LRRC4C: variants seen among roughly 807,000 people sequenced by gnomAD.
The protein encoded by LRRC4C is leucine-rich repeat-containing protein 4C.
A neutral mutation model predicts 33.6 loss-of-function variants in LRRC4C; 5 were observed. The observed-to-expected ratio is 0.15, with a 90% confidence interval of 0.08 to 0.31. LRRC4C has a LOEUF of 0.31. LRRC4C is among the 10% of genes least tolerant of loss of function. LRRC4C has a pLI of 1.00. For synonymous variants in LRRC4C, 329 were observed against 302.0 expected, an observed-to-expected ratio of 1.09 and a Z score of -0.93; for missense variants, 560 against 796.7, an observed-to-expected ratio of 0.70 and a Z score of 3.58.
At chr11:41,425,847 C>T (rs1955019730) in intron 1 of LRRC4C, among the ~76,000 whole-genome samples, 1 of 152,054 alleles carries the variant, frequency 6.6e-6, no homozygotes, top group South Asian at 2.1e-4. Context: ...TTTCAAGCAG[C>T]TGTTTCCATG....
intron 1 of LRRC4C, among the ~76,000 whole-genome samples, chr11:40,965,057 G>A (rs1175992352): frequency 2.0e-5 from 3 of 151,948 alleles, no homozygotes; most frequent in African/African-American, 7.2e-5. Context: ...TTTAATGATT[G>A]CCATTCTAAC....
chr11:40,428,444 A>C (rs1950796630), intron 3 of LRRC4C, among the ~76,000 whole-genome samples: 1 of 152,228 alleles, frequency 6.6e-6, no homozygotes, highest in South Asian at 2.1e-4. Flanking sequence ...TATCTCTGAC[A>C]TAATATTATT....
intron 1 of LRRC4C, among the ~76,000 whole-genome samples, chr11:41,276,609 C>A (rs1949493528): frequency 6.6e-6 from 1 of 152,088 alleles, no homozygotes; most frequent in Non-Finnish European, 1.5e-5. Flanking sequence ...AAATAACACC[C>A]CTTTCTTCCA....
intron 1 of LRRC4C, among the ~76,000 whole-genome samples, chr11:41,388,165 A>G (rs967349203): frequency 1.3e-4 from 20 of 151,860 alleles, no homozygotes; most frequent in African/African-American, 4.1e-4. Flanking sequence ...CATTCAGCAA[A>G]TATTTGTTAA....
At chr11:40,888,966 A>C (rs1405500599) in intron 2 of LRRC4C, among the ~76,000 whole-genome samples, 2 of 152,012 alleles carry the variant, frequency 1.3e-5, no homozygotes, top group Admixed American at 6.6e-5. Context: ...ATTATTAATA[A>C]AACTACCAAA....
intron 1 of LRRC4C, among the ~76,000 whole-genome samples, chr11:41,114,357 C>A (rs1311360770): frequency 1.3e-5 from 2 of 151,962 alleles, no homozygotes; most frequent in Admixed American, 6.6e-5. Context: ...GGAAAGAGAA[C>A]AAAACCTTCC....
At chr11:40,522,218 C>T (rs879798294) in intron 3 of LRRC4C, among the ~76,000 whole-genome samples, 2 of 152,154 alleles carry the variant, frequency 1.3e-5, no homozygotes, top group African/African-American at 2.4e-5. Context: ...TTAGTAGAGA[C>T]GAGGTCTTGC....
At chr11:41,411,109 G>A (rs1241876856) in intron 1 of LRRC4C, among the ~76,000 whole-genome samples, 1 of 136,584 alleles carries the variant, frequency 7.3e-6, no homozygotes, top group Non-Finnish European at 1.5e-5. Context: ...TTATGCACTT[G>A]CTTTTAGATG....
intron 3 of LRRC4C, among the ~76,000 whole-genome samples, chr11:40,348,544 C>T (rs1308931792): frequency 1.3e-5 from 2 of 152,084 alleles, no homozygotes; most frequent in Non-Finnish European, 2.9e-5. Context: ...GTCACTCTTG[C>T]TCTTTATGGA....
intron 1 of LRRC4C, among the ~76,000 whole-genome samples, chr11:41,051,785 G>T (rs1858246993): frequency 6.6e-6 from 1 of 151,868 alleles, no homozygotes; most frequent in African/African-American, 2.4e-5. Flanking sequence ...TAAATCACTG[G>T]CTTCACCACC....
chr11:40,125,561 T>C (rs1856160770), intron 6 of LRRC4C, among the ~76,000 whole-genome samples: 1 of 152,084 alleles, frequency 6.6e-6, no homozygotes, highest in African/African-American at 2.4e-5. Flanking sequence ...TCTCTCTCTC[T>C]CTCTCTCCTT....
intron 3 of LRRC4C, among the ~76,000 whole-genome samples, chr11:40,494,238 G>A (rs755182613): frequency 2.0e-4 from 30 of 151,992 alleles, no homozygotes; most frequent in Non-Finnish European, 2.6e-4. Context: ...GGGATTGAGC[G>A]TGCCGTCTGT....
intron 1 of LRRC4C, among the ~76,000 whole-genome samples, chr11:41,238,372 A>C (rs1948111239): frequency 6.6e-6 from 1 of 152,166 alleles, no homozygotes; most frequent in African/African-American, 2.4e-5. Context: ...TATATTTAAT[A>C]ATAATTAAAA....
intron 4 of LRRC4C, among the ~76,000 whole-genome samples, chr11:40,278,247 G>GAAGAAA (rs1464840785): frequency 6.6e-6 from 1 of 152,112 alleles, no homozygotes; most frequent in Non-Finnish European, 1.5e-5. Context: ...TGCCTATGAA[G>GAAGAAA]AAGAAAAAGA....
intron 2 of LRRC4C, among the ~76,000 whole-genome samples, chr11:40,923,185 C>A (rs1382169827): frequency 6.6e-6 from 1 of 152,124 alleles, no homozygotes; most frequent in Non-Finnish European, 1.5e-5. Flanking sequence ...TTTACTTAAA[C>A]AAAAGGTCAT....
At chr11:40,382,586 A>G (rs1948926516) in intron 3 of LRRC4C, among the ~76,000 whole-genome samples, 1 of 151,796 alleles carries the variant, frequency 6.6e-6, no homozygotes, top group South Asian at 2.1e-4. Flanking sequence ...AGCAAATTTT[A>G]AAGTACGCAA....
intron 1 of LRRC4C, among the ~76,000 whole-genome samples, chr11:41,192,173 A>G (rs1478794365): frequency 6.6e-6 from 1 of 152,124 alleles, no homozygotes; most frequent in Non-Finnish European, 1.5e-5. Flanking sequence ...GTTTACCTTC[A>G]TAGCATCTGA....
At chr11:40,612,038 G>T (rs1447193994) in intron 3 of LRRC4C, among the ~76,000 whole-genome samples, 1 of 151,644 alleles carries the variant, frequency 6.6e-6, no homozygotes, top group East Asian at 1.9e-4. Context: ...CCATTTCTGA[G>T]TATTTCTAAA....
chr11:41,306,444 T>G (rs971930350), intron 1 of LRRC4C, among the ~76,000 whole-genome samples: 3 of 152,226 alleles, frequency 2.0e-5, no homozygotes, highest in South Asian at 4.1e-4. Context: ...AATATTTTTG[T>G]TAAAAGGCTC....
Sources: gnomAD v4.1 joint callset for allele counts (sites outside exome capture counted in the v4.1 genomes callset) on GRCh38, gnomAD v4.1.1 for gene constraint, MANE v1.5 for transcripts, NCBI Gene and HGNC (gene_info 2026-07-23, HGNC 2026-07-21) for gene names.